Variants in LTBP1 observed in about 807,000 individuals in gnomAD.
The protein encoded by LTBP1 is latent transforming growth factor beta binding protein 1, also known as latent-transforming growth factor beta-binding protein 1.
Under a neutral mutation model 207.6 loss-of-function variants are expected in LTBP1, and 129 were observed. That is an observed-to-expected ratio of 0.62 (90% CI 0.54 to 0.72). The LOEUF (loss-of-function observed/expected upper bound fraction) is 0.72, where lower values mean the gene tolerates loss of function less well. Ranked by LOEUF, LTBP1 falls within the 30% of genes least tolerant of loss-of-function variation. LTBP1 has a pLI of 0.00. For synonymous variants in LTBP1, 963 were observed against 833.7 expected (o/e 1.16, Z -2.67); for missense variants, 2,281 against 2,217.2 (o/e 1.03, Z -0.58).
chr2:33,389,511 A>C (rs1353280683), intron 32 of LTBP1, among the ~76,000 whole-genome samples: 3 of 151,640 alleles, frequency 2.0e-5, no homozygotes, highest in African/African-American at 7.3e-5. Context: ...GAACCACTGC[A>C]TCATTCGTGA....
At chr2:33,337,351 T>C (rs561264690) in intron 24 of LTBP1, among the ~76,000 whole-genome samples, 1 of 152,208 alleles carries the variant, frequency 6.6e-6, no homozygotes, top group African/African-American at 2.4e-5. Flanking sequence ...CTATTAGTCA[T>C]TGACAACATT....
chr2:33,315,854 T>C (rs900588878), intron 24 of LTBP1, among the ~76,000 whole-genome samples: 1 of 152,154 alleles, frequency 6.6e-6, no homozygotes, highest in Admixed American at 6.5e-5. Flanking sequence ...GGAGAACCAC[T>C]GTAACCCAGG....
At chr2:32,969,885 C>A (rs1252608608) in intron 2 of LTBP1, among the ~76,000 whole-genome samples, 1 of 152,190 alleles carries the variant, frequency 6.6e-6, no homozygotes, top group East Asian at 1.9e-4. Flanking sequence ...TACATTCCCA[C>A]CTACAGTGTA....
intron 22 of LTBP1, among the ~76,000 whole-genome samples, chr2:33,309,166 C>T (rs1355846986): frequency 6.6e-6 from 1 of 151,340 alleles, no homozygotes; most frequent in Non-Finnish European, 1.5e-5. Flanking sequence ...GCCTATAATC[C>T]CAACTACTCG....
At chr2:33,041,002 C>T (rs185615699) in intron 3 of LTBP1, among the ~76,000 whole-genome samples, 17 of 152,318 alleles carry the variant, frequency 1.1e-4, no homozygotes, top group African/African-American at 3.8e-4. Flanking sequence ...ACTACCCCAC[C>T]GTTAATACCT....
intron 7 of LTBP1, among the ~76,000 whole-genome samples, chr2:33,201,116 C>T (rs1044587852): frequency 3.9e-5 from 6 of 152,150 alleles, no homozygotes; most frequent in Non-Finnish European, 7.3e-5. Flanking sequence ...ACCCAGCCAT[C>T]CCATTACTGA....
In LTBP1 at chr2:33,184,074, AT is replaced by A. The variant is rs369190211; in HGVS notation, c.1202-2781del. 4.1e-4 allele frequency among the ~76,000 whole-genome samples: 62 copies of A among 152,054 alleles called. 1 individual carries two copies. The highest frequency in any genetic ancestry group is 1.4e-3 in the African/African-American group (57 of 41,434). Reference sequence around the variant, plus strand: ...TTTCCCTCCAGCCTTACGTTACTGCATGTTTCTTTCAGTTCCTGTTGCCATC... The same window carrying A: ...TTTCCCTCCAGCCTTACGTTACTGCAGTTTCTTTCAGTTCCTGTTGCCATC... On this transcript the variant is annotated intron_variant, in intron 5 of 33. Coordinates refer to ENST00000404816, the MANE Select transcript of LTBP1 (RefSeq NM_206943.4).
chr2:33,297,986 T>C (rs1303840532), intron 20 of LTBP1, among the ~76,000 whole-genome samples: 11 of 152,172 alleles, frequency 7.2e-5, no homozygotes, highest in Admixed American at 7.2e-4. Flanking sequence ...ATGATTAAAC[T>C]GGGGTCATGG....
Position 33,188,772 on chromosome 2 carries a change from A to G in LTBP1, c.1622A>G (p.Gln541Arg), listed in dbSNP as rs781131773. The change falls in exon 7 of 34, where the codon CAG (glutamine) becomes CGG (arginine). Residue 541 changes from glutamine (Q) to arginine (R), a missense_variant. Gln to Arg is a conservative substitution (Grantham distance 43). Around this residue, in one of 3 missense-constraint regions of LTBP1, gnomAD observed 1,671 missense variants for 1,634.8 expected, o/e 1.02. Coordinates refer to ENST00000404816, the MANE Select transcript of LTBP1 (RefSeq NM_206943.4). ...ACCATACATTCCACATACTCCCACC[A>G]GCAGGTCATTCCTCACGTCTACCCC... Reference protein sequence around the residue: ...TQTIHSTYSHQQVIPHVYPVA... With the variant: ...TQTIHSTYSHRQVIPHVYPVA... The G allele has an allele frequency of 5.8e-5, 93 of 1,614,062 alleles. No homozygotes were observed. The highest frequency in any genetic ancestry group is 7.3e-5 in the Non-Finnish European group (86 of 1,180,040).
At chr2:33,365,525 T>G in intron 31 of LTBP1, 22 bp downstream of exon 31, 1 of 1,604,916 alleles carries the variant, frequency 6.2e-7, no homozygotes, top group African/African-American at 1.3e-5. Flanking sequence ...TCCAATTCCT[T>G]CTGCAGGAGG....
intron 2 of LTBP1, among the ~76,000 whole-genome samples, chr2:32,957,316 A>G (rs537522589): frequency 6.6e-6 from 1 of 152,136 alleles, no homozygotes; most frequent in African/African-American, 2.4e-5. Context: ...GGCTTTCTAC[A>G]TGCCTTCCTC....
intron 7 of LTBP1, among the ~76,000 whole-genome samples, chr2:33,209,095 A>G (rs1045276538): frequency 1.3e-5 from 2 of 150,906 alleles, no homozygotes; most frequent in African/African-American, 4.9e-5. Context: ...CTGGTTTCGA[A>G]CTCCTGACCT....
At chr2:33,164,933 A>T (rs1457643039) in intron 5 of LTBP1, among the ~76,000 whole-genome samples, 1 of 152,244 alleles carries the variant, frequency 6.6e-6, no homozygotes, top group Non-Finnish European at 1.5e-5. Context: ...AGTCAAAAGG[A>T]AGCTTCACTT....
chr2:33,253,881 CTTTTTTTTTT>C (rs61042956), intron 11 of LTBP1, among the ~76,000 whole-genome samples: 1 of 101,682 alleles, frequency 9.8e-6, no homozygotes, highest in African/African-American at 4.5e-5. Context: ...ATCTGATGCA[CTTTTTTTTTT>C]TTTTTTTTTT....
intron 3 of LTBP1, among the ~76,000 whole-genome samples, chr2:33,067,972 CAGA>C (rs2077603597): frequency 6.6e-6 from 1 of 152,078 alleles, no homozygotes; most frequent in African/African-American, 2.4e-5. Flanking sequence ...AGGATATCAA[CAGA>C]AGAATATAAT....
At chr2:33,288,772 T>C (rs2093716494) in intron 19 of LTBP1, among the ~76,000 whole-genome samples, 1 of 151,540 alleles carries the variant, frequency 6.6e-6, no homozygotes, top group African/African-American at 2.4e-5. Context: ...GGAGAATCGC[T>C]TGAACCCAGG....
chr2:33,292,833 A>G (rs1450613092), intron 19 of LTBP1, among the ~76,000 whole-genome samples: 2 of 152,158 alleles, frequency 1.3e-5, no homozygotes, highest in Non-Finnish European at 2.9e-5. Flanking sequence ...GGTTCTTTGG[A>G]AAATGCTTTC....
chr2:33,289,186 G>A (rs11673950), intron 19 of LTBP1, among the ~76,000 whole-genome samples: 54,262 of 151,912 alleles, frequency 0.36, 10,517 homozygotes, highest in Admixed American at 0.42. Context: ...TTGGGTGATA[G>A]GATTGTAAGA....
chr2:33,322,757 A>G (rs2094374342), intron 24 of LTBP1, among the ~76,000 whole-genome samples: 2 of 152,206 alleles, frequency 1.3e-5, no homozygotes, highest in Non-Finnish European at 2.9e-5. Context: ...AGTATAGTAC[A>G]AGATTGTTAC....
Sources: allele counts gnomAD v4.1 joint callset (sites outside exome capture counted in the v4.1 genomes callset), GRCh38; gene constraint gnomAD v4.1.1; regional missense constraint gnomAD v4.1.1; transcripts MANE v1.5; gene names NCBI Gene and HGNC (gene_info 2026-07-23, HGNC 2026-07-21).